Variants in MAL observed in about 807,000 individuals in gnomAD.
MAL encodes mal, T cell differentiation protein (MAL blood group), also known as myelin and lymphocyte protein.
Under a neutral mutation model 16.7 loss-of-function variants are expected in MAL, and 5 were observed. The observed-to-expected ratio is 0.30, with a 90% confidence interval of 0.16 to 0.63. The LOEUF is 0.63. MAL is among the 30% of genes least tolerant of loss of function. The pLI is 0.82. For missense variants in MAL, 202 were observed against 195.8 expected (o/e 1.03, Z -0.19); for synonymous variants, 96 against 85.5 (o/e 1.12, Z -0.67).
intron 1 of MAL, among the ~76,000 whole-genome samples, chr2:95,032,742 A>G (rs1461155104): frequency 2.0e-5 from 3 of 152,136 alleles, no homozygotes; most frequent in Non-Finnish European, 4.4e-5. Context: ...GAAAGGTTTG[A>G]TACCCAGTGA....
chr2:95,041,434 G>C (rs1223637765), intron 1 of MAL, among the ~76,000 whole-genome samples: 1 of 152,186 alleles, frequency 6.6e-6, no homozygotes, highest in African/African-American at 2.4e-5. Context: ...GTAGATGATT[G>C]TGTGTATTGA....
intron 1 of MAL, chr2:95,026,197 C>G: frequency 5.1e-6 from 1 of 197,008 alleles, no homozygotes; most frequent in Non-Finnish European, 1.0e-5. Flanking sequence ...AAGCTGCGCG[C>G]GGGGCCCACT....
In MAL at chr2:95,053,419, T is replaced by C; in HGVS notation, c.426T>C (p.His142=). ...SYIATLLYVV[H]AVFSLIRWKS... is the part of the protein sequence containing the mutation. ...TAGCCACTCTGCTCTACGTGGTCCATGCGGTGTTCTCTTTAATCAGATGGA... is the reference window on the plus strand; with the variant it reads ...TAGCCACTCTGCTCTACGTGGTCCACGCGGTGTTCTCTTTAATCAGATGGA... The change falls in exon 4 of 4, where the codon CAT becomes CAC. Residue 142 remains histidine, a synonymous_variant. Transcript: ENST00000309988. 2.5e-6 allele frequency: 4 copies of C among 1,613,738 alleles called. No individual in the cohort carries two copies. Among genetic ancestry groups the C allele is most frequent in the South Asian group, 1.1e-5 (1 of 91,058 alleles).
chr2:95,048,191 G>A (rs1674634867), intron 2 of MAL, 65 bp downstream of exon 2: 1 of 1,487,318 alleles, frequency 6.7e-7, no homozygotes, highest in Admixed American at 1.7e-5. Context: ...CCCTGGCCCA[G>A]TAGGATGGGC....
intron 1 of MAL, among the ~76,000 whole-genome samples, chr2:95,043,699 C>T (rs1446762642): frequency 1.3e-5 from 2 of 152,210 alleles, no homozygotes; most frequent in Non-Finnish European, 2.9e-5. Context: ...TCTCCTGACT[C>T]GGCTGTGCCT....
intron 1 of MAL, among the ~76,000 whole-genome samples, chr2:95,045,260 G>A (rs1020126909): frequency 5.3e-5 from 8 of 152,136 alleles, no homozygotes; most frequent in South Asian, 2.1e-4. Flanking sequence ...TAGGTCACCC[G>A]TAAGCGCCTC....
intron 3 of MAL, 138 bp from the exon 4 acceptor site, chr2:95,053,243 T>C: frequency 2.8e-6 from 2 of 705,640 alleles, no homozygotes; most frequent in Non-Finnish European, 2.6e-6. Context: ...AGGGCGTCCA[T>C]GTGAGGGTGA....
intron 1 of MAL, among the ~76,000 whole-genome samples, chr2:95,041,675 C>T (rs1573296520): frequency 4.6e-5 from 7 of 152,174 alleles, no homozygotes; most frequent in Admixed American, 3.9e-4. Flanking sequence ...ACTTCAAACT[C>T]GTCAACCCTG....
chr2:95,040,450 T>A (rs1428508302), intron 1 of MAL, among the ~76,000 whole-genome samples: 1 of 152,060 alleles, frequency 6.6e-6, no homozygotes, highest in African/African-American at 2.4e-5. Context: ...CTTCCTACCC[T>A]CTATCTCACT....
chr2:95,043,490 G>A (rs570739790), intron 1 of MAL, among the ~76,000 whole-genome samples: 20 of 152,330 alleles, frequency 1.3e-4, no homozygotes, highest in South Asian at 4.1e-4. Flanking sequence ...TTGCTGCAGC[G>A]TCCCACAGTG....
chr2:95,037,123 G>A (rs748235532), intron 1 of MAL, among the ~76,000 whole-genome samples: 51 of 151,518 alleles, frequency 3.4e-4, no homozygotes, highest in Admixed American at 6.6e-4. Context: ...CTGAGTGGGT[G>A]AGTGAGTGAG....
intron 1 of MAL, 64 bp from the exon 2 acceptor site, chr2:95,047,894 CG>C: frequency 2.0e-6 from 3 of 1,523,660 alleles, no homozygotes; most frequent in Non-Finnish European, 2.7e-6. Context: ...GACCGCTGGT[CG>C]GGGGCCCTTC....
rs745931858 is a variant in MAL at position 95,049,573 on chromosome 2, C to T, written c.262-8C>T. On this transcript the variant is annotated splice_region_variant and splice_polypyrimidine_tract_variant and intron_variant, in intron 2 of 3. Coordinates refer to ENST00000309988, the MANE Select transcript of MAL (RefSeq NM_002371.4). ...CCCCATCCCTCTGACACCCCGTCTG[C>T]CCCATAGGACGCAGCCTACCACTGC... The T allele has an allele frequency of 1.2e-6, 2 of 1,614,094 alleles. No individual in the cohort carries two copies. Among genetic ancestry groups the T allele is most frequent in the East Asian group, 2.2e-5 (1 of 44,878 alleles).
chr2:95,033,773 G>A (rs1674142368), intron 1 of MAL, among the ~76,000 whole-genome samples: 1 of 152,054 alleles, frequency 6.6e-6, no homozygotes, highest in South Asian at 2.1e-4. Context: ...GTGAGAACCT[G>A]TCATCAAAAC....
intron 1 of MAL, among the ~76,000 whole-genome samples, chr2:95,039,650 G>A (rs914853963): frequency 6.7e-6 from 1 of 149,984 alleles, no homozygotes; most frequent in African/African-American, 2.5e-5. Context: ...GAGTGACTGA[G>A]TGAGGACTGA....
chr2:95,048,395 C>A (rs1019706374), intron 2 of MAL, among the ~76,000 whole-genome samples: 6 of 152,150 alleles, frequency 3.9e-5, no homozygotes, highest in Admixed American at 1.3e-4. Context: ...CTGCCCAGCC[C>A]CCACACCACC....
chr2:95,044,009 C>G (rs1191978406), intron 1 of MAL, among the ~76,000 whole-genome samples: 1 of 152,166 alleles, frequency 6.6e-6, no homozygotes, highest in Non-Finnish European at 1.5e-5. Flanking sequence ...GTTGGAGGCT[C>G]CAGGGACATG....
intron 1 of MAL, among the ~76,000 whole-genome samples, chr2:95,040,122 T>TACACAC (rs140877183): frequency 1.3e-5 from 2 of 149,912 alleles, no homozygotes; most frequent in African/African-American, 2.4e-5. Context: ...TCTACCTACC[T>TACACAC]ACACACACAC....
chr2:95,049,801 G>T, intron 3 of MAL, 95 bp downstream of exon 3: 2 of 1,530,004 alleles, frequency 1.3e-6, no homozygotes, highest in East Asian at 4.5e-5. Flanking sequence ...TCTGTTTTCA[G>T]TTCACTAACT....
Sources: gnomAD v4.1 joint callset for allele counts (sites outside exome capture counted in the v4.1 genomes callset) on GRCh38, gnomAD v4.1.1 for gene constraint, MANE v1.5 for transcripts, NCBI Gene and HGNC (gene_info 2026-07-23, HGNC 2026-07-21) for gene names.